The following DLG5 variants were observed in gnomAD, a reference collection of about 807,000 sequenced individuals.
DLG5 encodes discs large MAGUK scaffold protein 5.
In DLG5, 48 loss-of-function variants were observed where a neutral mutation model predicts 189.8. That is an observed-to-expected ratio of 0.25 (90% CI 0.20 to 0.32). The LOEUF (loss-of-function observed/expected upper bound fraction) is 0.32. Among genes scored for constraint, DLG5 ranks in the 10% least tolerant of loss-of-function variants. The pLI, the probability that DLG5 is intolerant of heterozygous loss-of-function variation, is 1.00. For missense variants in DLG5, 2,160 were observed against 2,544.7 expected (o/e 0.85, Z 3.25); for synonymous variants, 1,016 against 1,054.1 (o/e 0.96, Z 0.70).
At position 77,796,205 on chromosome 10, in the gene DLG5, C is replaced by T; in HGVS notation, c.5309-17G>A. The T allele has an allele frequency of 1.9e-6, 3 of 1,613,980 alleles. No homozygotes were observed. The highest frequency in any genetic ancestry group is 1.7e-6 in the Non-Finnish European group (2 of 1,180,030). Reference sequence around the variant, plus strand: ...TCATCACCTCTGCAATGCACAGACACAGGAATCAGGGAGCCCCAGGCCCTG... The same window carrying T: ...TCATCACCTCTGCAATGCACAGACATAGGAATCAGGGAGCCCCAGGCCCTG... On this transcript the variant is annotated splice_polypyrimidine_tract_variant and intron_variant, in intron 28 of 31. Coordinates refer to ENST00000372391, the MANE Select transcript of DLG5 (RefSeq NM_004747.4). The surrounding 1 kb of genome is among the most constrained non-coding windows in gnomAD (Gnocchi z 5.2).
chr10:77,925,856 G>T (rs1024923361), intron 1 of DLG5, among the ~76,000 whole-genome samples: 1 of 152,182 alleles, frequency 6.6e-6, no homozygotes, highest in Non-Finnish European at 1.5e-5. Flanking sequence ...CTTGGTTAAA[G>T]GCTAGCACAG....
chr10:77,791,511 A>T lies in DLG5; in HGVS notation c.*929T>A, dbSNP rs1289778635. The stretch of plus-strand genomic sequence containing the variant: ...CTCTCAATTCAATGTCTGAAACATG[A>T]ATGTTTTCATATCAAAAAGAACTGA... On this transcript the variant is annotated 3_prime_UTR_variant, in exon 32 of 32. Coordinates refer to ENST00000372391, the MANE Select transcript of DLG5 (RefSeq NM_004747.4). The T allele has an allele frequency of 6.6e-6, 1 of 152,224 alleles. No homozygotes were observed. The highest frequency in any genetic ancestry group is 2.4e-5 in the African/African-American group (1 of 41,446). 9.4% of individuals were successfully genotyped at this position (152,224 alleles called of 1,614,324 possible). A position where few individuals can be genotyped will look rare whatever the true frequency, so the allele number is the denominator to read the frequency against.
intron 1 of DLG5, among the ~76,000 whole-genome samples, chr10:77,907,658 T>G (rs1307485336): frequency 6.6e-6 from 1 of 152,188 alleles, no homozygotes; most frequent in Non-Finnish European, 1.5e-5. Context: ...ACTTACTAAC[T>G]TATTTAACCC....
intron 26 of DLG5, 38 bp from the exon 27 acceptor site, chr10:77,805,899 G>T (rs2154575101): frequency 6.4e-7 from 1 of 1,572,034 alleles, no homozygotes; most frequent in East Asian, 2.3e-5. Flanking sequence ...GGGCCATCGA[G>T]ACCCTGCTGC....
chr10:77,818,095 C>T (rs539789997), intron 17 of DLG5, among the ~76,000 whole-genome samples: 19 of 152,246 alleles, frequency 1.2e-4, no homozygotes, highest in African/African-American at 4.6e-4. Flanking sequence ...GTAGAAAGGG[C>T]CACACACATG....
rs745862604 is a variant in DLG5, at chr10:77,821,872, G to T, written c.2612C>A (p.Pro871Gln). Residue 871 changes from proline to glutamine, a missense_variant, in exon 15 of 32, where the codon CCA becomes CAA. Physicochemically the swap from Pro to Gln is moderately conservative, Grantham distance 76 (BLOSUM62 -1). Coordinates refer to ENST00000372391, the MANE Select transcript of DLG5 (RefSeq NM_004747.4). ...PGGSSSFLHKPFPGGPLQVCP... is the reference protein window; with the variant it reads ...PGGSSSFLHKQFPGGPLQVCP... ...GACCTGCAAGGGTCCCCCAGGGAAT[G>T]GCTTATGCAGAAAGGAGCTGCTGCC... 4 of 1,614,192 alleles carry T rather than the reference G, an allele frequency of 2.5e-6. No individual in the cohort carries two copies. In the Admixed American group the frequency reaches 5.0e-5, roughly 20 times the overall value.
chr10:77,803,001 G>C (rs77087228), intron 27 of DLG5, among the ~76,000 whole-genome samples: 428 of 152,308 alleles, frequency 2.8e-3, no homozygotes, highest in Non-Finnish European at 5.3e-3. Context: ...CAGGGAAGTG[G>C]CCAAAGCAAT....
At chr10:77,820,995 A>T (rs1286827973) in intron 15 of DLG5, 87 bp downstream of exon 15, 10 of 1,487,408 alleles carry the variant, frequency 6.7e-6, no homozygotes, top group South Asian at 4.0e-5. Flanking sequence ...GGCCTGGGAC[A>T]CTGGTGCAGG....
intron 1 of DLG5, among the ~76,000 whole-genome samples, chr10:77,898,896 G>A (rs906222981): frequency 1.3e-5 from 2 of 152,226 alleles, no homozygotes; most frequent in African/African-American, 4.8e-5. Flanking sequence ...GCAATCCCAG[G>A]ATTCTCCTCC....
Position 77,856,794 on chromosome 10 carries a change from G to A in DLG5, c.472C>T (p.Arg158Trp), listed in dbSNP as rs530517493. The A allele has an allele frequency of 1.2e-5, 19 of 1,613,486 alleles. No individual in the cohort carries two copies. The highest frequency in any genetic ancestry group is 7.7e-5 in the South Asian group (7 of 91,020). The change falls in exon 3 of 32, where the codon CGG (arginine) becomes TGG (tryptophan). Residue 158 changes from arginine (R) to tryptophan (W), a missense_variant. Arg to Trp is a moderately radical substitution (Grantham distance 101, BLOSUM62 -3). Around this residue, in one of 5 missense-constraint regions of DLG5, gnomAD observed 664 missense variants for 838.5 expected, o/e 0.79. Transcript: ENST00000372391. ...NLSIQLRLMT[R>W]ERNELRKRLA... ...CGCTTGCGGAGCTCGTTTCTCTCCC[G>A]GGTCATCAGCCGCAGCTGAATGGAG...
At chr10:77,888,468 T>G (rs1251671160) in intron 1 of DLG5, among the ~76,000 whole-genome samples, 1 of 152,184 alleles carries the variant, frequency 6.6e-6, no homozygotes, top group Non-Finnish European at 1.5e-5. Context: ...ACAGCAGAAT[T>G]CCCATATGAA....
intron 5 of DLG5, among the ~76,000 whole-genome samples, chr10:77,852,929 G>A (rs1027724494): frequency 1.3e-5 from 2 of 152,118 alleles, no homozygotes; most frequent in Admixed American, 1.3e-4. Flanking sequence ...TTTCCACTAA[G>A]AGGGCCGGGA....
At position 77,814,464 on chromosome 10, in the gene DLG5, TA is replaced by T. The variant is rs1568135430; in HGVS notation, c.4025+2086del. ...GTACATAAATAATAAAGCATGTTTA[TA>T]TATATATATATATATATATATATAT... On this transcript the variant is annotated intron_variant, in intron 20 of 31. Coordinates refer to ENST00000372391, the MANE Select transcript of DLG5 (RefSeq NM_004747.4). Among the ~76,000 whole-genome samples the T allele has an allele frequency of 2.9e-3, 86 of 30,092 alleles. 1 individual carries two copies. Among genetic ancestry groups the T allele is most frequent in the East Asian group, 0.019 (21 of 1,130 alleles). 19.7% of individuals were successfully genotyped at this position (30,092 alleles called of 152,430 possible).
rs779005786 is a variant in DLG5, at chr10:77,830,303, T to G, written c.1923A>C (p.Glu641Asp). The G allele has an allele frequency of 6.2e-7, 1 of 1,614,076 alleles. No individual in the cohort carries two copies. Among genetic ancestry groups the G allele is most frequent in the African/African-American group, 1.3e-5 (1 of 74,932 alleles). ...CCGGGAAACAAGGCTCATTCACACC[T>G]TCTGCCATATCAAACCCCAGTGCCT... ...DLKALGFDMA[E>D]GVNEPCFPGD... Residue 641 changes from glutamate (E) to aspartate (D), a missense_variant, in exon 11 of 32, where the codon GAA becomes GAC. This residue lies in a region of DLG5 where 107 missense variants were observed against 214.5 expected (regional missense o/e 0.50). Coordinates refer to ENST00000372391, the MANE Select transcript of DLG5 (RefSeq NM_004747.4).
At chr10:77,861,424 C>T (rs749552426) in intron 2 of DLG5, among the ~76,000 whole-genome samples, 1 of 152,196 alleles carries the variant, frequency 6.6e-6, no homozygotes, top group Non-Finnish European at 1.5e-5. Flanking sequence ...AACGAGGCAA[C>T]ATAAAGATGC....
chr10:77,816,592 G>A lies in DLG5; in HGVS notation c.3984C>T (p.Ile1328=), dbSNP rs138428162. ...CCCCGAGGGACGCGGGGTTGACAGC[G>A]ATTCTGGGCAATGTGGAGGCTGAGG... The part of the protein sequence containing the change: ...SQTSASTLPR[I]AVNPASLGER... Residue 1328 remains isoleucine (I), a synonymous_variant, in exon 20 of 32, where the codon ATC becomes ATT. Transcript: ENST00000372391. The A allele has an allele frequency of 2.2e-4, 357 of 1,614,190 alleles. No individual in the cohort carries two copies. In the African/African-American group the frequency reaches 4.0e-3, roughly 18 times the overall value.
In DLG5 at chr10:77,835,933, C is replaced by CA; in HGVS notation, c.1438-12dup. 1 of 1,605,888 alleles carries CA rather than the reference C, an allele frequency of 6.2e-7. No individual in the cohort carries two copies. Among genetic ancestry groups the CA allele is most frequent in the Non-Finnish European group, 8.5e-7 (1 of 1,173,688 alleles). On this transcript the variant is annotated splice_polypyrimidine_tract_variant and intron_variant, in intron 7 of 31. Transcript: ENST00000372391. Reference sequence around the variant, plus strand: ...CACCGTGTCTTTGATCTGGTGGGAGCAAGGGGCAGGAAGAGGGAGAGGTTG... The same window carrying CA: ...CACCGTGTCTTTGATCTGGTGGGAGCAAAGGGGCAGGAAGAGGGAGAGGTTG...
intron 27 of DLG5, among the ~76,000 whole-genome samples, chr10:77,803,590 C>A (rs937098931): frequency 9.9e-5 from 15 of 152,080 alleles, no homozygotes; most frequent in Admixed American, 3.3e-4. Context: ...TCAAGAAGGG[C>A]ATTTTATAAC....
chr10:77,868,347 G>T, intron 2 of DLG5: 1 of 355,078 alleles, frequency 2.8e-6, no homozygotes, highest in East Asian at 7.4e-5. Context: ...TCGCCACTAC[G>T]GCCCAAGCCC....
Sources: gnomAD v4.1 joint callset for allele counts (sites outside exome capture counted in the v4.1 genomes callset) on GRCh38, gnomAD v4.1.1 for gene constraint, gnomAD v4.1.1 regional missense constraint, Gnocchi (gnomAD v3.1) non-coding constraint, MANE v1.5 for transcripts, NCBI Gene and HGNC (gene_info 2026-07-23, HGNC 2026-07-21) for gene names.